CAMK2D: variants seen among roughly 807,000 people sequenced by gnomAD.
CAMK2D encodes the protein calcium/calmodulin dependent protein kinase II delta.
Under a neutral mutation model 84.0 loss-of-function variants are expected in CAMK2D, and 37 were observed. The observed-to-expected ratio is 0.44, with a 90% CI of 0.34 to 0.58. The LOEUF is 0.58. Ranked by LOEUF, CAMK2D falls within the 20% of genes least tolerant of loss-of-function variation. The pLI, the probability that CAMK2D is intolerant of heterozygous loss-of-function variation, is 0.02. For synonymous variants in CAMK2D, 202 were observed against 212.5 expected, an observed-to-expected ratio of 0.95 and a Z score of 0.43; for missense variants, 448 against 652.5, an observed-to-expected ratio of 0.69 and a Z score of 3.41.
intron 3 of CAMK2D, among the ~76,000 whole-genome samples, chr4:113,639,567 C>T (rs931292215): frequency 2.6e-5 from 4 of 151,956 alleles, no homozygotes; most frequent in Non-Finnish European, 4.4e-5. Flanking sequence ...CTACAACACC[C>T]ACCCTAGAAT....
chr4:113,686,472 G>T (rs1048458641), intron 2 of CAMK2D, among the ~76,000 whole-genome samples: 7 of 152,116 alleles, frequency 4.6e-5, no homozygotes, highest in African/African-American at 1.7e-4. Context: ...CTTAAGTAAG[G>T]TACCCTTCTA....
intron 4 of CAMK2D, among the ~76,000 whole-genome samples, chr4:113,599,230 T>C (rs868320445): frequency 1.3e-5 from 2 of 152,206 alleles, no homozygotes; most frequent in Non-Finnish European, 2.9e-5. Context: ...CTCTCATTCA[T>C]TGCTGGTGTG....
At chr4:113,496,615 A>G (rs1179336107) in intron 16 of CAMK2D, among the ~76,000 whole-genome samples, 4 of 151,742 alleles carry the variant, frequency 2.6e-5, no homozygotes, top group Non-Finnish European at 4.4e-5. Context: ...TGCCCAGCTA[A>G]TTTTTGTATT....
chr4:113,639,521 C>T (rs1328211990), intron 3 of CAMK2D, among the ~76,000 whole-genome samples: 1 of 151,966 alleles, frequency 6.6e-6, no homozygotes. Flanking sequence ...CCTGCACCAG[C>T]GCTGACTCAC....
intron 3 of CAMK2D, among the ~76,000 whole-genome samples, chr4:113,643,889 T>C (rs1349849390): frequency 6.6e-6 from 1 of 152,206 alleles, no homozygotes; most frequent in Non-Finnish European, 1.5e-5. Context: ...AGAGTATTTA[T>C]GGGGACCCAG....
intron 4 of CAMK2D, among the ~76,000 whole-genome samples, chr4:113,565,950 T>C (rs2098721803): frequency 6.6e-6 from 1 of 152,238 alleles, no homozygotes; most frequent in African/African-American, 2.4e-5. Flanking sequence ...TGTGGTGTTA[T>C]TTGATATTCT....
chr4:113,616,156 TTGAC>T (rs1404071141), intron 3 of CAMK2D, among the ~76,000 whole-genome samples: 4 of 152,122 alleles, frequency 2.6e-5, no homozygotes, highest in African/African-American at 9.7e-5. Context: ...TTCAAAGCAA[TTGAC>T]TGCTTACACT....
intron 4 of CAMK2D, among the ~76,000 whole-genome samples, chr4:113,565,417 A>G (rs2154215366): frequency 6.6e-6 from 1 of 152,240 alleles, no homozygotes; most frequent in African/African-American, 2.4e-5. Flanking sequence ...TTGGGAGGCC[A>G]AGGCGGGTGG....
At chr4:113,514,230 T>C (rs2098255406) in intron 10 of CAMK2D, among the ~76,000 whole-genome samples, 1 of 152,080 alleles carries the variant, frequency 6.6e-6, no homozygotes. Context: ...CTGGCCAACA[T>C]GGCGAAACCG....
intron 2 of CAMK2D, among the ~76,000 whole-genome samples, chr4:113,739,450 A>C (rs2099588024): frequency 6.6e-6 from 1 of 152,106 alleles, no homozygotes; most frequent in Admixed American, 6.6e-5. Flanking sequence ...GCCAACAAAA[A>C]AGGAACAGGA....
chr4:113,593,191 T>G (rs1276890547), intron 4 of CAMK2D, among the ~76,000 whole-genome samples: 1 of 152,218 alleles, frequency 6.6e-6, no homozygotes, highest in Non-Finnish European at 1.5e-5. Context: ...ATGAGGACTT[T>G]TGGTTTCCGG....
chr4:113,606,130 A>G (rs959827337), intron 4 of CAMK2D, among the ~76,000 whole-genome samples: 5 of 152,164 alleles, frequency 3.3e-5, no homozygotes, highest in Non-Finnish European at 7.3e-5. Context: ...GAGGCTATAA[A>G]GAAGAAAAGG....
chr4:113,744,077 C>A (rs140544155), intron 2 of CAMK2D, among the ~76,000 whole-genome samples: 1 of 152,028 alleles, frequency 6.6e-6, no homozygotes, highest in Non-Finnish European at 1.5e-5. Flanking sequence ...CCTGACCTCG[C>A]GATCCGCCCA....
intron 3 of CAMK2D, among the ~76,000 whole-genome samples, chr4:113,660,812 T>G (rs2099227035): frequency 6.8e-6 from 1 of 147,478 alleles, no homozygotes; most frequent in Non-Finnish European, 1.5e-5. Context: ...TTTTTTTTTT[T>G]GAGACAGAGT....
chr4:113,682,506 C>G (rs1250801916), intron 2 of CAMK2D, among the ~76,000 whole-genome samples: 1 of 151,932 alleles, frequency 6.6e-6, no homozygotes. Context: ...GGATTTGAAT[C>G]TCTCATTTAC....
At chr4:113,586,406 T>C (rs189661355) in intron 4 of CAMK2D, among the ~76,000 whole-genome samples, 57 of 152,290 alleles carry the variant, frequency 3.7e-4, no homozygotes, top group African/African-American at 1.3e-3. Context: ...AACTCACAGA[T>C]TTTTCTCAAT....
chr4:113,750,738 G>A (rs1392003938), intron 2 of CAMK2D, among the ~76,000 whole-genome samples: 2 of 152,190 alleles, frequency 1.3e-5, no homozygotes, highest in East Asian at 1.9e-4. Flanking sequence ...CAGGCACAGT[G>A]AGTAGCTCAC....
chr4:113,527,828 T>C (rs1484736115), intron 8 of CAMK2D, among the ~76,000 whole-genome samples: 1 of 152,182 alleles, frequency 6.6e-6, no homozygotes, highest in East Asian at 1.9e-4. Flanking sequence ...TTTACAGATA[T>C]ACAATGTGGC....
intron 4 of CAMK2D, among the ~76,000 whole-genome samples, chr4:113,584,411 C>T (rs1458171275): frequency 6.6e-6 from 1 of 152,054 alleles, no homozygotes; most frequent in Non-Finnish European, 1.5e-5. Flanking sequence ...CTCTTCACCC[C>T]GATGATGAGG....
Sources: allele counts gnomAD v4.1 joint callset (sites outside exome capture counted in the v4.1 genomes callset), GRCh38; gene constraint gnomAD v4.1.1; transcripts MANE v1.5; gene names NCBI Gene and HGNC (gene_info 2026-07-23, HGNC 2026-07-21).